Variants in MIPOL1 observed in about 807,000 individuals in gnomAD.
MIPOL1 encodes mirror-image polydactyly gene 1 protein.
MIPOL1 carries 57 observed loss-of-function variants against 60.9 expected under a neutral mutation model. The observed-to-expected ratio is 0.94, with a 90% CI of 0.76 to 1.17. MIPOL1 has a LOEUF of 1.17. Ranked by LOEUF, MIPOL1 falls within the 50% of genes most tolerant of loss-of-function variation. The pLI, the probability that MIPOL1 is intolerant of heterozygous loss-of-function variation, is 0.00. For missense variants in MIPOL1, 551 were observed against 511.6 expected (o/e 1.08, Z -0.74); for synonymous variants, 179 against 168.8 (o/e 1.06, Z -0.47).
chr14:37,546,677 G>A (rs1362467667), intron 12 of MIPOL1, among the ~76,000 whole-genome samples: 2 of 151,778 alleles, frequency 1.3e-5, no homozygotes, highest in Non-Finnish European at 3.0e-5. Context: ...GGCATCTAAT[G>A]CTGACATAAT....
intron 10 of MIPOL1, among the ~76,000 whole-genome samples, chr14:37,415,761 C>T (rs2093757560): frequency 6.6e-6 from 1 of 152,074 alleles, no homozygotes; most frequent in South Asian, 2.1e-4. Flanking sequence ...CATTCATTAA[C>T]TGGCTGACAA....
chr14:37,531,163 A>G (rs887424940), intron 12 of MIPOL1, among the ~76,000 whole-genome samples: 21 of 152,134 alleles, frequency 1.4e-4, no homozygotes, highest in Non-Finnish European at 2.9e-5. Context: ...CACATGATGA[A>G]GGATGGACAA....
At chr14:37,202,548 A>G (rs1245686156) in intron 1 of MIPOL1, among the ~76,000 whole-genome samples, 1 of 152,226 alleles carries the variant, frequency 6.6e-6, no homozygotes, top group Non-Finnish European at 1.5e-5. Context: ...AATAAAGGGC[A>G]TGTGCCAGTA....
At chr14:37,539,964 G>T (rs75864884) in intron 12 of MIPOL1, among the ~76,000 whole-genome samples, 1 of 152,088 alleles carries the variant, frequency 6.6e-6, no homozygotes, top group East Asian at 1.9e-4. Context: ...AGATCAGATG[G>T]TTTTAGAGGG....
intron 11 of MIPOL1, chr14:37,434,585 A>C: frequency 6.6e-6 from 1 of 151,980 alleles, no homozygotes; most frequent in East Asian, 1.9e-4. Context: ...AATTTAAAAA[A>C]AAAATAGAGG....
At chr14:37,490,170 A>G (rs2095026853) in intron 11 of MIPOL1, among the ~76,000 whole-genome samples, 1 of 152,072 alleles carries the variant, frequency 6.6e-6, no homozygotes, top group South Asian at 2.1e-4. Flanking sequence ...GACTCTAGAG[A>G]GGCAGTCTGG....
intron 11 of MIPOL1, among the ~76,000 whole-genome samples, chr14:37,435,316 T>G (rs1487832163): frequency 6.6e-6 from 1 of 152,150 alleles, no homozygotes; most frequent in Non-Finnish European, 1.5e-5. Flanking sequence ...GCCTGGAGTG[T>G]TCTACCCCCG....
chr14:37,225,745 A>G (rs1199995999), intron 1 of MIPOL1, among the ~76,000 whole-genome samples: 1 of 152,168 alleles, frequency 6.6e-6, no homozygotes, highest in African/African-American at 2.4e-5. Flanking sequence ...ATGCAAATTT[A>G]TGCAGTCGGC....
intron 7 of MIPOL1, among the ~76,000 whole-genome samples, chr14:37,295,807 G>A (rs1199925466): frequency 1.3e-5 from 2 of 152,096 alleles, no homozygotes; most frequent in Admixed American, 6.6e-5. Context: ...CATAAAGCAA[G>A]TCCTTAGTGA....
At chr14:37,323,701 A>G (rs1048285615) in intron 9 of MIPOL1, among the ~76,000 whole-genome samples, 1 of 152,056 alleles carries the variant, frequency 6.6e-6, no homozygotes, top group Non-Finnish European at 1.5e-5. Flanking sequence ...ATGTAACCAC[A>G]TCCTTTTAAA....
chr14:37,520,235 CTG>C (rs1421971518), intron 12 of MIPOL1, among the ~76,000 whole-genome samples: 1 of 152,054 alleles, frequency 6.6e-6, no homozygotes, highest in Non-Finnish European at 1.5e-5. Flanking sequence ...AGGATGTTGC[CTG>C]TCTTTTGAAT....
At chr14:37,364,896 C>G (rs2092417983) in intron 9 of MIPOL1, among the ~76,000 whole-genome samples, 1 of 152,048 alleles carries the variant, frequency 6.6e-6, no homozygotes, top group African/African-American at 2.4e-5. Context: ...TCTTTAATTT[C>G]TGTCATCAGT....
intron 5 of MIPOL1, among the ~76,000 whole-genome samples, chr14:37,269,361 A>G (rs1173139367): frequency 6.6e-6 from 1 of 152,022 alleles, no homozygotes; most frequent in Non-Finnish European, 1.5e-5. Context: ...AATTTTATTA[A>G]ATAATGTGCA....
chr14:37,418,896 A>G (rs1341605016), intron 10 of MIPOL1, among the ~76,000 whole-genome samples: 2 of 152,076 alleles, frequency 1.3e-5, no homozygotes, highest in Non-Finnish European at 2.9e-5. Flanking sequence ...AAAATAAAGT[A>G]TATAACTTTA....
At chr14:37,260,041 A>G (rs2082408343) in intron 3 of MIPOL1, among the ~76,000 whole-genome samples, 1 of 152,126 alleles carries the variant, frequency 6.6e-6, no homozygotes, top group East Asian at 1.9e-4. Context: ...TTGGTACTTA[A>G]TAAGTGTTGA....
chr14:37,489,055 C>T (rs1019848158), intron 11 of MIPOL1, among the ~76,000 whole-genome samples: 19 of 152,164 alleles, frequency 1.2e-4, no homozygotes, highest in Non-Finnish European at 2.5e-4. Context: ...TTCCATTCTC[C>T]GCATCACTTT....
At chr14:37,551,370 CAG>C (rs1217541139), downstream of MIPOL1, 1 of 151,630 alleles carries the variant, frequency 6.6e-6, no homozygotes, top group Non-Finnish European at 1.5e-5. Flanking sequence ...AGTAAGGAAA[CAG>C]ATTAAGTTCA....
chr14:37,200,822 A>T (rs1965125017), intron 1 of MIPOL1, among the ~76,000 whole-genome samples: 1 of 150,024 alleles, frequency 6.7e-6, no homozygotes, highest in Non-Finnish European at 1.5e-5. Context: ...TATTAGAGAA[A>T]TATAGATCCA....
At chr14:37,337,354 ATATTTTTTTTT>A (rs2090230825) in intron 9 of MIPOL1, among the ~76,000 whole-genome samples, 1 of 32,654 alleles carries the variant, frequency 3.1e-5, no homozygotes, top group South Asian at 1.5e-3. Context: ...ATATATATAT[ATATTTTTTTTT>A]TTTTTTTTTT....
Sources: gnomAD v4.1 joint callset for allele counts (sites outside exome capture counted in the v4.1 genomes callset) on GRCh38, gnomAD v4.1.1 for gene constraint, MANE v1.5 for transcripts, NCBI Gene and HGNC (gene_info 2026-07-23, HGNC 2026-07-21) for gene names.